Variants in GNAI2 observed in about 807,000 individuals in gnomAD.
GNAI2 encodes G protein subunit alpha i2, also known as guanine nucleotide-binding protein G(i) subunit alpha-2.
In GNAI2, 4 loss-of-function variants were observed where a neutral mutation model predicts 36.8. The ratio of observed to expected loss-of-function variants is 0.11; its 90% CI spans 0.05 to 0.25. The LOEUF is 0.25. GNAI2 is among the 10% of genes least tolerant of loss of function. The pLI is 1.00. For missense variants in GNAI2, 230 were observed against 481.3 expected (o/e 0.48, Z 4.89); for synonymous variants, 194 against 194.1 (o/e 1.00, Z 0.01).
chr3:50,244,025 C>CTTT (rs782681282), intron 1 of GNAI2, among the ~76,000 whole-genome samples: 16 of 120,410 alleles, frequency 1.3e-4, no homozygotes, highest in Non-Finnish European at 2.0e-4. Flanking sequence ...CCCTCCACTC[C>CTTT]TTTTTTTTTT....
chr3:50,233,919 G>A (rs915694116), upstream of GNAI2, among the ~76,000 whole-genome samples: 1 of 146,378 alleles, frequency 6.8e-6, no homozygotes, highest in Non-Finnish European at 1.5e-5. Context: ...TTTTTGAGAC[G>A]GAGTCCTGCT....
At chr3:50,246,022 G>A (rs1210913017) in intron 1 of GNAI2, among the ~76,000 whole-genome samples, 4 of 152,122 alleles carry the variant, frequency 2.6e-5, no homozygotes, top group Admixed American at 1.3e-4. Context: ...GAGTGTTGCC[G>A]GTCCCTTTCA....
At chr3:50,257,399 T>C (rs1269166295) in intron 7 of GNAI2, 101 bp from the exon 8 acceptor site, 2 of 748,292 alleles carry the variant, frequency 2.7e-6, no homozygotes, top group African/African-American at 3.5e-5. Flanking sequence ...CATGCACAGG[T>C]TGTATGCCTG....
chr3:50,253,314 A>C lies in GNAI2; in HGVS notation c.464+130A>C. ...CTTATGAAACCGATGACTGTTAACC[A>C]AGGCCTTCCTGTTTTTTGGTTTGGG... is the stretch of plus-strand genomic sequence containing the variant. On this transcript the variant is annotated intron_variant, in intron 4 of 8. Transcript: ENST00000313601. The surrounding 1 kb of genome is among the most constrained non-coding windows in gnomAD (Gnocchi z 4.2). The C allele has an allele frequency of 6.8e-6, 4 of 584,746 alleles. No individual in the cohort carries two copies. Among genetic ancestry groups the C allele is most frequent in the East Asian group, 6.6e-5 (2 of 30,506 alleles). 36.2% of individuals were successfully genotyped at this position (584,746 alleles called of 1,614,324 possible). A position where few individuals can be genotyped will look rare whatever the true frequency, so the allele number is the denominator to read the frequency against.
At chr3:50,228,300 CT>C (rs1435782990), upstream of GNAI2, among the ~76,000 whole-genome samples, 1 of 152,190 alleles carries the variant, frequency 6.6e-6, no homozygotes, top group African/African-American at 2.4e-5. Flanking sequence ...GCCTGTAATC[CT>C]AGCACTCTGG....
intron 1 of GNAI2, among the ~76,000 whole-genome samples, chr3:50,250,345 G>A (rs1337620056): frequency 1.3e-5 from 2 of 152,186 alleles, no homozygotes; most frequent in Non-Finnish European, 2.9e-5. Flanking sequence ...ATGCTGTTGA[G>A]CTTGGCCAGA....
At chr3:50,245,780 G>A (rs1308854397) in intron 1 of GNAI2, among the ~76,000 whole-genome samples, 2 of 152,236 alleles carry the variant, frequency 1.3e-5, no homozygotes, top group Non-Finnish European at 2.9e-5. Flanking sequence ...CCTTGCCCCA[G>A]AAAGACTTTC....
At chr3:50,228,547 C>T (rs1167773552), upstream of GNAI2, among the ~76,000 whole-genome samples, 3 of 131,498 alleles carry the variant, frequency 2.3e-5, no homozygotes, top group African/African-American at 1.0e-4. Context: ...AAGACTCCGT[C>T]TCCAAAAAAA....
At chr3:50,248,939 G>C (rs1044621849) in intron 1 of GNAI2, among the ~76,000 whole-genome samples, 4 of 152,044 alleles carry the variant, frequency 2.6e-5, no homozygotes, top group East Asian at 1.9e-4. Flanking sequence ...AGGAAAATCA[G>C]ATGCAAAGCA....
chr3:50,239,569 T>A (rs1339578049), intron 1 of GNAI2: 2 of 152,212 alleles, frequency 1.3e-5, no homozygotes, highest in African/African-American at 4.8e-5. Context: ...TGATTTTGGG[T>A]AGATGGTGGA....
intron 1 of GNAI2, among the ~76,000 whole-genome samples, chr3:50,244,025 CTTTTTTTT>C (rs782681282): frequency 8.3e-6 from 1 of 120,414 alleles, no homozygotes; most frequent in Non-Finnish European, 1.7e-5. Flanking sequence ...CCCTCCACTC[CTTTTTTTT>C]TTTTTTTTTT....
chr3:50,252,195 C>T lies in GNAI2; in HGVS notation c.161+53C>T. The stretch of plus-strand genomic sequence containing the variant: ...TCAAACTCCAGCTTCCCCTCTTCAC[C>T]CTCTGGGCCTGCACTGCCCCCGACT... On this transcript the variant is annotated intron_variant, in intron 2 of 8. Transcript: ENST00000313601. This position sits in a 1 kb window ranked among gnomAD's most constrained non-coding sequence, Gnocchi z 4.1. 1 of 1,560,944 alleles carries T rather than the reference C, an allele frequency of 6.4e-7. No individual in the cohort carries two copies. Among genetic ancestry groups the T allele is most frequent in the Middle Eastern group, 1.7e-4 (1 of 5,884 alleles).
rs143812325 is a variant in GNAI2 at position 50,248,962 on chromosome 3, C to T, written c.119-3138C>T. Among the ~76,000 whole-genome samples, 516 of 152,172 alleles carry T rather than the reference C, an allele frequency of 3.4e-3. 11 individuals are homozygous for T. The highest frequency in any genetic ancestry group is 0.028 in the Admixed American group (427 of 15,296). ...CAGATGCAAAGCAAGTTTGCACCCT[C>T]GTCCCTGGGCAGGGTCACGAAGCGG... On this transcript the variant is annotated intron_variant, in intron 1 of 8. Coordinates refer to ENST00000313601, the MANE Select transcript of GNAI2 (RefSeq NM_002070.4).
Position 50,253,448 on chromosome 3 carries a change from C to G in GNAI2, c.464+264C>G, listed in dbSNP as rs1003263987. Among the ~76,000 whole-genome samples the G allele has an allele frequency of 3.3e-5, 5 of 152,110 alleles. No individual in the cohort carries two copies. The highest frequency in any genetic ancestry group is 9.7e-5 in the African/African-American group (4 of 41,422). On this transcript the variant is annotated intron_variant, in intron 4 of 8. Coordinates refer to ENST00000313601, the MANE Select transcript of GNAI2 (RefSeq NM_002070.4). This position sits in a 1 kb window ranked among gnomAD's most constrained non-coding sequence, Gnocchi z 4.2. ...GAGTCTGATCTGTCTTGACAGTCTT[C>G]TAAAGAACATTTGCGGCCGGGCGTG...
chr3:50,230,915 G>A, exon 1 of GNAI2: 1 of 985,340 alleles, frequency 1.0e-6, no homozygotes, highest in South Asian at 4.7e-5. Context: ...AAGAAACTGA[G>A]ATGCCCACGA....
At chr3:50,256,496 G>A in intron 5 of GNAI2, 176 bp downstream of exon 5, 1 of 715,838 alleles carries the variant, frequency 1.4e-6, no homozygotes, top group Non-Finnish European at 2.4e-6. Context: ...CGCCACCTCT[G>A]CCAGCTGCTC....
chr3:50,230,645 C>A, upstream of GNAI2: 1 of 194,856 alleles, frequency 5.1e-6, no homozygotes, highest in Non-Finnish European at 9.4e-6. Flanking sequence ...ACCTGCTGTG[C>A]TGCCTGTGGT....
At chr3:50,251,530 T>TG (rs1700555920) in intron 1 of GNAI2, 1 of 1,123,374 alleles carries the variant, frequency 8.9e-7, no homozygotes, top group South Asian at 1.8e-5. Context: ...AGCCTCCATC[T>TG]GCTCAGGGCA....
chr3:50,244,280 C>T (rs372070938), intron 1 of GNAI2, among the ~76,000 whole-genome samples: 4 of 152,130 alleles, frequency 2.6e-5, no homozygotes, highest in Middle Eastern at 3.2e-3. Context: ...TCGCCTGCCT[C>T]GGCCTCCCAG....
Sources: gnomAD v4.1 joint callset for allele counts (sites outside exome capture counted in the v4.1 genomes callset) on GRCh38, gnomAD v4.1.1 for gene constraint, Gnocchi (gnomAD v3.1) non-coding constraint, MANE v1.5 for transcripts, NCBI Gene and HGNC (gene_info 2026-07-23, HGNC 2026-07-21) for gene names.